HOMER2: variants seen among roughly 807,000 people sequenced by gnomAD.
HOMER2 encodes homer protein homolog 2.
A neutral mutation model predicts 47.0 loss-of-function variants in HOMER2; 27 were observed. The ratio of observed to expected loss-of-function variants is 0.57; its 90% CI spans 0.42 to 0.79. The LOEUF (loss-of-function observed/expected upper bound fraction) is 0.79, where lower values mean the gene tolerates loss of function less well. Among genes scored for constraint, HOMER2 ranks in the 30% least tolerant of loss-of-function variants. The pLI, the probability that HOMER2 is intolerant of heterozygous loss-of-function variation, is 0.00. For synonymous variants in HOMER2, 161 were observed against 163.8 expected (o/e 0.98, Z 0.13); for missense variants, 443 against 435.0 (o/e 1.02, Z -0.16).
chr15:82,936,183 C>G lies in HOMER2; in HGVS notation c.5+16348G>C, dbSNP rs116397866. On this transcript the variant is annotated intron_variant, in intron 1 of 8. Coordinates refer to ENST00000450735, the MANE Select transcript of HOMER2 (RefSeq NM_004839.4). ...CACCTGCTCTTTCCTCCACCTAGAA[C>G]GCTCTGCTCCCTTTCTGCACATGCG... Among the ~76,000 whole-genome samples the G allele has an allele frequency of 2.0e-5, 3 of 152,326 alleles. No individual in the cohort carries two copies. In the East Asian group the frequency reaches 5.8e-4, roughly 29 times the overall value.
chr15:82,848,172 G>A (rs2051280034), downstream of HOMER2, among the ~76,000 whole-genome samples: 1 of 152,174 alleles, frequency 6.6e-6, no homozygotes, highest in Admixed American at 6.5e-5. Context: ...AGGAGAGCAG[G>A]AGGACTCGTG....
At chr15:82,982,729 G>T (rs1004261652) in intron 1 of HOMER2, among the ~76,000 whole-genome samples, 1 of 152,114 alleles carries the variant, frequency 6.6e-6, no homozygotes, top group Admixed American at 6.5e-5. Context: ...GTCAATAATA[G>T]TCACAAGGAA....
At chr15:82,974,293 A>T (rs1004800154) in intron 1 of HOMER2, among the ~76,000 whole-genome samples, 2 of 151,400 alleles carry the variant, frequency 1.3e-5, no homozygotes, top group African/African-American at 2.4e-5. Flanking sequence ...AGTCCCAGCC[A>T]CTCGGGAGGC....
At position 82,864,207 on chromosome 15, in the gene HOMER2, T is replaced by A. The variant is rs1275050750; in HGVS notation, c.347A>T (p.Lys116Met). The A allele has an allele frequency of 6.2e-7, 1 of 1,612,298 alleles. No homozygotes were observed. Among genetic ancestry groups the A allele is most frequent in the African/African-American group, 1.3e-5 (1 of 75,012 alleles). Residue 116 changes from lysine (K) to methionine (M), a missense_variant, in exon 4 of 9, where the codon AAG (lysine) becomes ATG (methionine). Transcript: ENST00000450735. ...TGAGGTCTCGATTTTCTCCTGCGTCTTGTCTTTGGCTATCTTGGCAGCTTC... is the reference window on the plus strand; with the variant it reads ...TGAGGTCTCGATTTTCTCCTGCGTCATGTCTTTGGCTATCTTGGCAGCTTC... Reference protein sequence around the residue: ...VKEAAKIAKDKTQEKIETSSN... With the variant: ...VKEAAKIAKDMTQEKIETSSN...
downstream of HOMER2, among the ~76,000 whole-genome samples, chr15:82,836,725 C>A (rs1362678854): frequency 6.6e-6 from 1 of 152,232 alleles, no homozygotes; most frequent in Non-Finnish European, 1.5e-5. Context: ...GTGTATTCAT[C>A]TGTTCGTCCA....
intron 1 of HOMER2, among the ~76,000 whole-genome samples, chr15:82,969,044 G>C (rs2029896907): frequency 6.6e-6 from 1 of 152,180 alleles, no homozygotes; most frequent in African/African-American, 2.4e-5. Context: ...TTTCTGATTA[G>C]AAAAGGGATT....
At chr15:82,922,489 A>AC (rs2151175779) in intron 1 of HOMER2, among the ~76,000 whole-genome samples, 1 of 152,358 alleles carries the variant, frequency 6.6e-6, no homozygotes, top group South Asian at 2.1e-4. Context: ...TTGAAGGAGC[A>AC]CAAAAATAGT....
rs372943630 is a variant in HOMER2 at position 82,852,207 on chromosome 15, C to T, written c.697G>A (p.Glu233Lys). The T allele has an allele frequency of 1.2e-6, 2 of 1,613,992 alleles. No homozygotes were observed. Among genetic ancestry groups the T allele is most frequent in the African/African-American group, 1.3e-5 (1 of 75,062 alleles). ...EQCSEINREK[E>K]KNTQLKRRIE... ...CTCCTCTTCAGCTGCGTGTTCTTCT[C>T]CTTCTCTCTGTTGATCTCACTGCAT... The change falls in exon 7 of 9, where the codon GAG (glutamate) becomes AAG (lysine). Residue 233 changes from glutamate (E) to lysine (K), a missense_variant. By Grantham distance (56) the Glu-to-Lys change is moderately conservative. Transcript: ENST00000450735.
intron 2 of HOMER2, among the ~76,000 whole-genome samples, chr15:82,890,055 G>C (rs182090677): frequency 6.6e-6 from 1 of 152,152 alleles, no homozygotes; most frequent in Admixed American, 6.5e-5. Flanking sequence ...GGAGGAACAC[G>C]AGGTGGCGGC....
At chr15:82,948,090 C>A (rs973602471) in intron 1 of HOMER2, among the ~76,000 whole-genome samples, 12 of 151,998 alleles carry the variant, frequency 7.9e-5, no homozygotes, top group African/African-American at 2.7e-4. Context: ...ACTAAAAATA[C>A]AAAAGAATTA....
chr15:82,938,703 G>A (rs916085971), intron 1 of HOMER2, among the ~76,000 whole-genome samples: 1 of 152,138 alleles, frequency 6.6e-6, no homozygotes, highest in Non-Finnish European at 1.5e-5. Flanking sequence ...CTTATTAAAT[G>A]CATTTTGCCT....
chr15:82,900,996 G>A (rs1240910784), intron 1 of HOMER2, among the ~76,000 whole-genome samples: 2 of 152,184 alleles, frequency 1.3e-5, no homozygotes, highest in African/African-American at 2.4e-5. Flanking sequence ...GATGAATGCT[G>A]ACAGGCTTTA....
At chr15:82,914,275 G>C (rs1430661101) in intron 1 of HOMER2, among the ~76,000 whole-genome samples, 2 of 151,316 alleles carry the variant, frequency 1.3e-5, no homozygotes, top group African/African-American at 4.9e-5. Flanking sequence ...CTACTTGGGA[G>C]GCTGAGGCAG....
chr15:82,855,819 T>C (rs2051567488), intron 5 of HOMER2, among the ~76,000 whole-genome samples: 1 of 152,158 alleles, frequency 6.6e-6, no homozygotes, highest in Non-Finnish European at 1.5e-5. Context: ...GAGGAGGACG[T>C]TTAAAACAAA....
chr15:82,967,400 G>C (rs1475251873), intron 1 of HOMER2, among the ~76,000 whole-genome samples: 1 of 152,162 alleles, frequency 6.6e-6, no homozygotes, highest in Non-Finnish European at 1.5e-5. Context: ...AGTGTTGAGA[G>C]ATACATGCTG....
At chr15:82,976,823 T>G (rs1306397559) in intron 1 of HOMER2, among the ~76,000 whole-genome samples, 2 of 151,520 alleles carry the variant, frequency 1.3e-5, no homozygotes, top group Non-Finnish European at 2.9e-5. Flanking sequence ...ATTACAGGCA[T>G]GCGCCACCAT....
chr15:82,857,036 G>T (rs140183942), intron 5 of HOMER2, among the ~76,000 whole-genome samples: 1 of 152,094 alleles, frequency 6.6e-6, no homozygotes, highest in African/African-American at 2.4e-5. Flanking sequence ...CTTCTCTTAT[G>T]GACCCAATGC....
intron 4 of HOMER2, among the ~76,000 whole-genome samples, chr15:82,860,056 T>C (rs932512577): frequency 4.6e-5 from 7 of 151,976 alleles, no homozygotes; most frequent in Non-Finnish European, 8.8e-5. Context: ...GACACCAGCC[T>C]GGCCAACATA....
In HOMER2 at chr15:82,932,901, G is replaced by A. The variant is rs573146786; in HGVS notation, c.5+19630C>T. 1.9e-4 allele frequency among the ~76,000 whole-genome samples: 29 copies of A among 152,206 alleles called. 1 individual carries two copies. In the South Asian group the frequency reaches 5.4e-3, roughly 28 times the overall value. ...AGGCTCCCTCAGATGCCCACACAGA[G>A]CCAAAGCTGGGCTCCCTCCCACCGA... On this transcript the variant is annotated intron_variant, in intron 1 of 8. Coordinates refer to ENST00000450735, the MANE Select transcript of HOMER2 (RefSeq NM_004839.4).
Sources: gnomAD v4.1 joint callset for allele counts (sites outside exome capture counted in the v4.1 genomes callset) on GRCh38, gnomAD v4.1.1 for gene constraint, MANE v1.5 for transcripts, NCBI Gene and HGNC (gene_info 2026-07-23, HGNC 2026-07-21) for gene names.